The following OTUD7A variants were observed in gnomAD, a reference collection of about 807,000 sequenced individuals.
The protein encoded by OTUD7A is OTU domain-containing protein 7A.
Under a neutral mutation model 65.7 loss-of-function variants are expected in OTUD7A, and 12 were observed. That is an observed-to-expected ratio of 0.18 (90% CI 0.12 to 0.30). OTUD7A has a LOEUF of 0.30. OTUD7A is among the 10% of genes least tolerant of loss of function. The pLI is 1.00. For missense variants in OTUD7A, 1,148 were observed against 1,304.8 expected (o/e 0.88, Z 1.85); for synonymous variants, 641 against 586.3 (o/e 1.09, Z -1.35).
chr15:31,517,308 C>T (rs1449886398), intron 8 of OTUD7A, among the ~76,000 whole-genome samples: 9 of 152,134 alleles, frequency 5.9e-5, no homozygotes, highest in African/African-American at 1.9e-4. Context: ...TTATCTGGGA[C>T]GAGAGTTTGG....
intron 1 of OTUD7A, among the ~76,000 whole-genome samples, chr15:31,837,711 A>G (rs1462204757): frequency 6.6e-6 from 1 of 152,256 alleles, no homozygotes; most frequent in Non-Finnish European, 1.5e-5. Context: ...CATAATAAAG[A>G]TGTCAATTAT....
chr15:31,678,803 C>A (rs368827683), intron 1 of OTUD7A, among the ~76,000 whole-genome samples: 1 of 152,154 alleles, frequency 6.6e-6, no homozygotes, highest in Non-Finnish European at 1.5e-5. Flanking sequence ...GGGTCACAGC[C>A]CCCACACAAG....
chr15:31,558,860 T>C (rs557754424), intron 5 of OTUD7A, 109 bp downstream of exon 5: 1 of 1,230,136 alleles, frequency 8.1e-7, no homozygotes, highest in South Asian at 1.4e-5. Context: ...AACTGAAAAC[T>C]GCCCAGAGTC....
chr15:31,485,101 G>T (rs956018566), intron 12 of OTUD7A, among the ~76,000 whole-genome samples: 1 of 152,158 alleles, frequency 6.6e-6, no homozygotes, highest in African/African-American at 2.4e-5. Flanking sequence ...CCAGAGCCTT[G>T]TCACAATTTA....
intron 3 of OTUD7A, among the ~76,000 whole-genome samples, chr15:31,603,267 A>T (rs1467036488): frequency 2.3e-5 from 3 of 133,084 alleles, no homozygotes; most frequent in Non-Finnish European, 4.6e-5. Flanking sequence ...GGAAGAGAAC[A>T]GAAACCTCAG....
chr15:31,579,569 A>C (rs1889308896), intron 3 of OTUD7A, among the ~76,000 whole-genome samples: 1 of 152,216 alleles, frequency 6.6e-6, no homozygotes, highest in Non-Finnish European at 1.5e-5. Flanking sequence ...AGAATGGTGC[A>C]TGATTTAAAA....
At chr15:31,683,303 G>T (rs1892761208) in intron 1 of OTUD7A, among the ~76,000 whole-genome samples, 1 of 152,134 alleles carries the variant, frequency 6.6e-6, no homozygotes, top group South Asian at 2.1e-4. Flanking sequence ...TTTTAAAATA[G>T]ATAACAGTGA....
At chr15:31,578,829 C>T (rs777660668) in intron 3 of OTUD7A, among the ~76,000 whole-genome samples, 3 of 152,156 alleles carry the variant, frequency 2.0e-5, no homozygotes, top group Non-Finnish European at 4.4e-5. Flanking sequence ...GGGATTACAG[C>T]CATGGGCCAC....
In OTUD7A at chr15:31,860,677, G is replaced by GTATATA. The variant is rs1555425282; in HGVS notation, c.-100+9824_-100+9829dup. On this transcript the variant is annotated intron_variant, in intron 1 of 12. Transcript: ENST00000307050. The stretch of plus-strand genomic sequence containing the variant: ...TGTGTGTATATATAGATGTATGTGT[G>GTATATA]TATATATATATATATATATATATGT... 3.3e-4 allele frequency among the ~76,000 whole-genome samples: 24 copies of GTATATA among 73,280 alleles called. 2 individuals carry two copies. The highest frequency in any genetic ancestry group is 2.7e-3 in the East Asian group (6 of 2,248). 48.1% of individuals were successfully genotyped at this position (73,280 alleles called of 152,430 possible).
chr15:31,659,577 T>C (rs1360001059), intron 1 of OTUD7A, among the ~76,000 whole-genome samples: 2 of 152,262 alleles, frequency 1.3e-5, no homozygotes, highest in African/African-American at 2.4e-5. Context: ...ATGTCAGCCT[T>C]TTAAATGAAG....
At chr15:31,745,055 C>T (rs1170594679) in intron 1 of OTUD7A, among the ~76,000 whole-genome samples, 1 of 151,956 alleles carries the variant, frequency 6.6e-6, no homozygotes, top group Non-Finnish European at 1.5e-5. Flanking sequence ...TTAAAGAAGA[C>T]CTTACAAAAT....
intron 1 of OTUD7A, among the ~76,000 whole-genome samples, chr15:31,808,140 C>CACACACACACACAA (rs1272100227): frequency 8.4e-4 from 118 of 140,396 alleles, no homozygotes; most frequent in Non-Finnish European, 1.3e-3. Flanking sequence ...CACACACAAA[C>CACACACACACACAA]AAATCCTCAC....
chr15:31,751,588 G>A (rs985692424), intron 1 of OTUD7A, among the ~76,000 whole-genome samples: 1 of 151,996 alleles, frequency 6.6e-6, no homozygotes, highest in Non-Finnish European at 1.5e-5. Flanking sequence ...AAAATAAATT[G>A]TACTACCCAA....
intron 4 of OTUD7A, among the ~76,000 whole-genome samples, chr15:31,564,700 A>G (rs1460132299): frequency 6.6e-6 from 1 of 152,128 alleles, no homozygotes; most frequent in Non-Finnish European, 1.5e-5. Context: ...AGAAGATAGG[A>G]CAGAAGAATG....
chr15:31,520,045 A>G (rs1467289238), intron 8 of OTUD7A, among the ~76,000 whole-genome samples: 2 of 152,222 alleles, frequency 1.3e-5, no homozygotes, highest in Non-Finnish European at 2.9e-5. Flanking sequence ...AAGAATCAAC[A>G]TCATTAAAAT....
chr15:31,581,520 T>G (rs1889369980), intron 3 of OTUD7A, among the ~76,000 whole-genome samples: 1 of 152,258 alleles, frequency 6.6e-6, no homozygotes, highest in Non-Finnish European at 1.5e-5. Context: ...CCCATGCATT[T>G]CCATACATCC....
At chr15:31,772,427 A>C (rs1207099235) in intron 1 of OTUD7A, among the ~76,000 whole-genome samples, 1 of 152,174 alleles carries the variant, frequency 6.6e-6, no homozygotes, top group African/African-American at 2.4e-5. Flanking sequence ...ACAGTGAGTA[A>C]AGGAATAAAC....
chr15:31,653,786 AAAG>A (rs1891911106), intron 3 of OTUD7A, among the ~76,000 whole-genome samples: 1 of 152,224 alleles, frequency 6.6e-6, no homozygotes, highest in African/African-American at 2.4e-5. Context: ...AAAATAAAGA[AAAG>A]AGATGACAAC....
In OTUD7A at chr15:31,776,382, A is replaced by C. The variant is rs181246439; in HGVS notation, c.-100+94125T>G. 4.6e-5 allele frequency among the ~76,000 whole-genome samples: 7 copies of C among 152,292 alleles called. No individual in the cohort carries two copies. In the East Asian group the frequency reaches 1.4e-3, roughly 29 times the overall value. On this transcript the variant is annotated intron_variant, in intron 1 of 12. Coordinates refer to ENST00000307050, the MANE Select transcript of OTUD7A (RefSeq NM_001382637.1). ...TCTTCTTGCTCAGTGTATTTCCTGG[A>C]TGGTGGCTGCCAGAATCTGTGGGGA... is the stretch of plus-strand genomic sequence containing the variant.
Sources: allele counts gnomAD v4.1 joint callset (sites outside exome capture counted in the v4.1 genomes callset), GRCh38; gene constraint gnomAD v4.1.1; transcripts MANE v1.5; gene names NCBI Gene and HGNC (gene_info 2026-07-23, HGNC 2026-07-21).